Variants in SPECC1 observed in about 807,000 individuals in gnomAD.
The protein encoded by SPECC1 is cytospin-B.
In SPECC1, 62 loss-of-function variants were observed where a neutral mutation model predicts 104.1. That is an observed-to-expected ratio of 0.60 (90% confidence interval 0.49 to 0.74). The LOEUF (loss-of-function observed/expected upper bound fraction) is 0.74. Ranked by LOEUF, SPECC1 falls within the 30% of genes least tolerant of loss-of-function variation. SPECC1 has a pLI of 0.00. For synonymous variants in SPECC1, 513 were observed against 501.6 expected (o/e 1.02, Z -0.30); for missense variants, 1,306 against 1,310.5 (o/e 1.00, Z 0.05).
intron 9 of SPECC1, among the ~76,000 whole-genome samples, chr17:20,249,280 T>A (rs1265415977): frequency 6.6e-6 from 1 of 152,074 alleles, no homozygotes; most frequent in Admixed American, 6.6e-5. Context: ...CAACTGGGCA[T>A]GGTGGTGTGT....
At chr17:20,140,135 G>A (rs2030589524) in intron 3 of SPECC1, among the ~76,000 whole-genome samples, 1 of 152,028 alleles carries the variant, frequency 6.6e-6, no homozygotes, top group African/African-American at 2.4e-5. Context: ...TGAAAAAGTT[G>A]GCTAAACCAG....
intron 3 of SPECC1, among the ~76,000 whole-genome samples, chr17:20,134,704 G>GC (rs2049834884): frequency 6.6e-6 from 1 of 152,094 alleles, no homozygotes; most frequent in African/African-American, 2.4e-5. Flanking sequence ...TCCTGCCTCA[G>GC]CCTCCAGAGT....
intron 12 of SPECC1, among the ~76,000 whole-genome samples, chr17:20,273,928 G>A (rs1246082487): frequency 1.3e-5 from 2 of 152,016 alleles, no homozygotes; most frequent in Non-Finnish European, 2.9e-5. Flanking sequence ...GGTTTTCTGG[G>A]GCTTCACGAG....
Position 20,110,537 on chromosome 17 carries a change from G to A in SPECC1, c.258G>A (p.Thr86=), listed in dbSNP as rs201890028. The A allele has an allele frequency of 1.4e-5, 23 of 1,613,680 alleles. No individual in the cohort carries two copies. Among genetic ancestry groups the A allele is most frequent in the East Asian group, 1.3e-4 (6 of 44,834 alleles). ...TATAGAISEL[T]ESRLRSGTGA... Reference sequence around the variant, plus strand: ...CTGCCGGAGCCATCTCGGAGCTCACGGAGAGCCGCCTGAGGAGCGGCACAG... The same window carrying A: ...CTGCCGGAGCCATCTCGGAGCTCACAGAGAGCCGCCTGAGGAGCGGCACAG... Residue 86 remains threonine, a synonymous_variant, in exon 3 of 15, where the codon ACG becomes ACA. Coordinates refer to ENST00000395527, the MANE Select transcript of SPECC1 (RefSeq NM_001243439.2).
At position 20,231,816 on chromosome 17, in the gene SPECC1, G is replaced by C; in HGVS notation, c.2130G>C (p.Leu710=). ...KSDLERQLKT[L]TKQMKEETEE... Reference sequence around the variant, plus strand: ...ACCTGGAGAGGCAGCTGAAGACTCTGACCAAGCAGATGAAGGTGAGATGCG... The same window carrying C: ...ACCTGGAGAGGCAGCTGAAGACTCTCACCAAGCAGATGAAGGTGAGATGCG... Residue 710 remains leucine (L), a synonymous_variant, in exon 6 of 15, where the codon CTG becomes CTC. Coordinates refer to ENST00000395527, the MANE Select transcript of SPECC1 (RefSeq NM_001243439.2). 1.9e-6 allele frequency: 3 copies of C among 1,614,074 alleles called. No homozygotes were observed. Among genetic ancestry groups the C allele is most frequent in the Middle Eastern group, 1.7e-4 (1 of 6,060 alleles).
chr17:20,110,198 G>A (rs2048415739), intron 2 of SPECC1, among the ~76,000 whole-genome samples: 1 of 152,176 alleles, frequency 6.6e-6, no homozygotes, highest in South Asian at 2.1e-4. Flanking sequence ...CACAGTCTTA[G>A]ACACTGCTCT....
At chr17:20,280,179 T>C (rs1269326516) in intron 12 of SPECC1, among the ~76,000 whole-genome samples, 1 of 152,236 alleles carries the variant, frequency 6.6e-6, no homozygotes, top group Non-Finnish European at 1.5e-5. Context: ...ATCCATGTGA[T>C]GGACCTGCAT....
intron 3 of SPECC1, among the ~76,000 whole-genome samples, chr17:20,159,229 G>C (rs1461216262): frequency 6.6e-6 from 1 of 152,134 alleles, no homozygotes; most frequent in Non-Finnish European, 1.5e-5. Context: ...ACAGGTGTGA[G>C]CCACCATGCC....
intron 1 of SPECC1, among the ~76,000 whole-genome samples, chr17:20,084,416 C>T (rs1567831288): frequency 6.6e-6 from 1 of 152,010 alleles, no homozygotes; most frequent in East Asian, 1.9e-4. Context: ...GCCTGGGCGA[C>T]AAGGGGAAGA....
chr17:20,069,640 C>T (rs116643125), intron 1 of SPECC1, among the ~76,000 whole-genome samples: 2,036 of 152,170 alleles, frequency 0.013, 48 homozygotes, highest in African/African-American at 0.047. Flanking sequence ...ATCAACTGCC[C>T]ATAAATTTAT....
intron 1 of SPECC1, among the ~76,000 whole-genome samples, chr17:20,061,603 C>A (rs2046186768): frequency 6.6e-6 from 1 of 152,222 alleles, no homozygotes; most frequent in Non-Finnish European, 1.5e-5. Flanking sequence ...AGTTGATCAT[C>A]ACTCAGGAAT....
chr17:20,250,876 A>G (rs531291739), intron 9 of SPECC1, among the ~76,000 whole-genome samples: 1 of 71,290 alleles, frequency 1.4e-5, no homozygotes, highest in Admixed American at 1.2e-4. Flanking sequence ...CCAGGAATGG[A>G]AGGTGGTTAA....
At chr17:20,126,509 CT>C (rs2049313942) in intron 3 of SPECC1, 1 of 100,272 alleles carries the variant, frequency 1.0e-5, no homozygotes, top group Admixed American at 1.0e-4. Context: ...TAATTAGATA[CT>C]TTAAAAAATA....
intron 2 of SPECC1, among the ~76,000 whole-genome samples, chr17:20,105,188 C>T (rs533914325): frequency 7.3e-4 from 111 of 152,138 alleles, no homozygotes; most frequent in African/African-American, 2.6e-3. Flanking sequence ...GCCTCGAACT[C>T]CAGCGATCCT....
In SPECC1 at chr17:20,104,246, T is replaced by G. The variant is rs186355951; in HGVS notation, c.148-6181T>G. Among the ~76,000 whole-genome samples the G allele has an allele frequency of 3.3e-5, 5 of 152,300 alleles. No individual in the cohort carries two copies. The East Asian group carries it at 9.6e-4, about 29-fold the overall frequency. ...CGTGATGAGTACAGTCAGTGCAGGA[T>G]CGTGAAGGCATCAGCACATTCCTTC... On this transcript the variant is annotated intron_variant, in intron 2 of 14. Transcript: ENST00000395527.
At chr17:20,027,518 GT>G (rs1160340768) in intron 1 of SPECC1, among the ~76,000 whole-genome samples, 3 of 152,072 alleles carry the variant, frequency 2.0e-5, no homozygotes, top group African/African-American at 7.2e-5. Flanking sequence ...GTCCTGAAGC[GT>G]TTTTCCTTAT....
At chr17:20,282,916 C>T (rs7224153) in intron 12 of SPECC1, among the ~76,000 whole-genome samples, 5,789 of 152,176 alleles carry the variant, frequency 0.038, 359 homozygotes, top group African/African-American at 0.13. Context: ...CAGTGGCTCA[C>T]GCCTGTAATC....
intron 3 of SPECC1, among the ~76,000 whole-genome samples, chr17:20,161,584 T>C (rs1284102480): frequency 6.6e-6 from 1 of 152,184 alleles, no homozygotes; most frequent in Admixed American, 6.5e-5. Context: ...CATCTTACAT[T>C]GCATAACGCG....
chr17:20,156,346 TA>T, intron 3 of SPECC1: 1 of 1,211,584 alleles, frequency 8.3e-7, no homozygotes, highest in Non-Finnish European at 1.1e-6. Context: ...AGCGAAAGGC[TA>T]AGGTCCTGGG....
Sources: allele counts gnomAD v4.1 joint callset (sites outside exome capture counted in the v4.1 genomes callset), GRCh38; gene constraint gnomAD v4.1.1; transcripts MANE v1.5; gene names NCBI Gene and HGNC (gene_info 2026-07-23, HGNC 2026-07-21).